Variants in VWA3B observed in about 807,000 individuals in gnomAD.
The protein encoded by VWA3B is von Willebrand factor A domain containing 3B.
In VWA3B, 138 loss-of-function variants were observed where a neutral mutation model predicts 158.3. The observed-to-expected ratio is 0.87, with a 90% CI of 0.76 to 1.00. The LOEUF (loss-of-function observed/expected upper bound fraction) is 1.00. Ranked by LOEUF, VWA3B falls within the 50% of genes least tolerant of loss-of-function variation. VWA3B has a pLI of 0.00. For synonymous variants in VWA3B, 596 were observed against 587.3 expected, an observed-to-expected ratio of 1.01 and a Z score of -0.21; for missense variants, 1,555 against 1,565.1, an observed-to-expected ratio of 0.99 and a Z score of 0.11.
chr2:98,221,407 A>G lies in VWA3B; in HGVS notation c.2019+3379A>G, dbSNP rs144038760. On this transcript the variant is annotated intron_variant, in intron 14 of 27. Coordinates refer to ENST00000477737, the MANE Select transcript of VWA3B (RefSeq NM_144992.5). Reference sequence around the variant, plus strand: ...GTCCTGCTCCAGTCATATACCATGGAAAAAACTGCATCCCCTCCCCTGGGA... The same window carrying G: ...GTCCTGCTCCAGTCATATACCATGGGAAAAACTGCATCCCCTCCCCTGGGA... Among the ~76,000 whole-genome samples the G allele has an allele frequency of 1.0e-3, 155 of 152,270 alleles. 2 individuals carry two copies. Among genetic ancestry groups the G allele is most frequent in the Non-Finnish European group, 1.4e-3 (95 of 68,014 alleles).
intron 1 of VWA3B, among the ~76,000 whole-genome samples, chr2:98,089,650 CTT>C (rs1007533576): frequency 7.1e-6 from 1 of 140,994 alleles, no homozygotes; most frequent in African/African-American, 2.6e-5. Flanking sequence ...CCTTTCCTTC[CTT>C]TTTTTTTTTC....
At chr2:98,262,794 T>G (rs1395516991) in intron 21 of VWA3B, among the ~76,000 whole-genome samples, 1 of 151,918 alleles carries the variant, frequency 6.6e-6, no homozygotes, top group Non-Finnish European at 1.5e-5. Context: ...CATATAAATT[T>G]TAGGATCTTT....
At chr2:98,206,148 A>G (rs757720410) in intron 12 of VWA3B, 1 of 152,462 alleles carries the variant, frequency 6.6e-6, no homozygotes, top group Non-Finnish European at 1.5e-5. Context: ...CCCAAACTCT[A>G]CCATGTTGAG....
At chr2:98,158,000 C>G (rs1451173574) in intron 7 of VWA3B, among the ~76,000 whole-genome samples, 1 of 152,144 alleles carries the variant, frequency 6.6e-6, no homozygotes, top group Non-Finnish European at 1.5e-5. Flanking sequence ...TGGCATGAAC[C>G]TAGAAGGAAA....
At chr2:98,230,003 C>G in intron 15 of VWA3B, 47 bp from the exon 16 acceptor site, 1 of 1,520,428 alleles carries the variant, frequency 6.6e-7, no homozygotes, top group Non-Finnish European at 8.8e-7. Context: ...TGGAAATTTT[C>G]TTTTCTCTCT....
At chr2:98,304,911 T>C (rs2106002316) in intron 26 of VWA3B, among the ~76,000 whole-genome samples, 1 of 152,186 alleles carries the variant, frequency 6.6e-6, no homozygotes, top group African/African-American at 2.4e-5. Context: ...TCACTGCCGG[T>C]CTCCATGCGT....
chr2:98,151,742 C>T (rs1041638403), intron 7 of VWA3B, among the ~76,000 whole-genome samples: 73 of 152,186 alleles, frequency 4.8e-4, no homozygotes, highest in Non-Finnish European at 8.8e-5. Context: ...AGCTATGTTT[C>T]CTCATTTATA....
chr2:98,093,345 C>A, intron 2 of VWA3B, 57 bp downstream of exon 2: 1 of 1,577,596 alleles, frequency 6.3e-7, no homozygotes. Flanking sequence ...GTGGAGGTGG[C>A]TGCATCAGCT....
At chr2:98,323,789 T>C in the VWA3B span, among the ~76,000 whole-genome samples, 1 of 152,184 alleles carries the variant, frequency 6.6e-6, no homozygotes, top group Non-Finnish European at 1.5e-5. Context: ...AAGAAAAGAA[T>C]TTAAGAACCT....
intron 12 of VWA3B, among the ~76,000 whole-genome samples, chr2:98,204,111 G>A (rs1170146135): frequency 1.3e-5 from 2 of 152,176 alleles, no homozygotes; most frequent in East Asian, 3.8e-4. Flanking sequence ...TGTCCATGGG[G>A]TTGGGAGTGG....
chr2:98,283,969 T>C (rs1284707016), intron 22 of VWA3B, among the ~76,000 whole-genome samples: 1 of 152,184 alleles, frequency 6.6e-6, no homozygotes, highest in African/African-American at 2.4e-5. Context: ...GAAAGAATGC[T>C]TAGGTTTCTC....
chr2:98,256,702 A>G (rs184978619), intron 21 of VWA3B, among the ~76,000 whole-genome samples: 1 of 152,288 alleles, frequency 6.6e-6, no homozygotes, highest in African/African-American at 2.4e-5. Context: ...TTGGGTATAT[A>G]CCTAGCAGTG....
At chr2:98,202,104 C>T (rs1682596538) in intron 12 of VWA3B, among the ~76,000 whole-genome samples, 1 of 152,066 alleles carries the variant, frequency 6.6e-6, no homozygotes, top group Admixed American at 6.5e-5. Context: ...TTTTCCTTAA[C>T]TGTTTGGTAG....
At chr2:98,290,895 G>A in intron 23 of VWA3B, 2 of 344,888 alleles carry the variant, frequency 5.8e-6, no homozygotes, top group South Asian at 3.9e-5. Context: ...TGCGTTGCAT[G>A]TATGTAATAT....
intron 1 of VWA3B, among the ~76,000 whole-genome samples, chr2:98,089,515 G>C (rs984935519): frequency 4.6e-5 from 7 of 151,146 alleles, no homozygotes; most frequent in African/African-American, 7.3e-5. Flanking sequence ...GCTAGTGGGG[G>C]TGGGGTGGGG....
At chr2:98,250,516 GC>G in intron 20 of VWA3B, 80 bp downstream of exon 20, 3 of 1,092,556 alleles carry the variant, frequency 2.7e-6, no homozygotes, top group Non-Finnish European at 2.6e-6. Flanking sequence ...TTTTAGCTTA[GC>G]TTTTTTTTTT....
chr2:98,317,693 G>T (rs906797643), downstream of VWA3B, among the ~76,000 whole-genome samples: 1 of 152,080 alleles, frequency 6.6e-6, no homozygotes, highest in Non-Finnish European at 1.5e-5. Context: ...TTTCTGGAAC[G>T]AACCATTCTA....
chr2:98,321,966 G>A, the VWA3B span, among the ~76,000 whole-genome samples: 2 of 152,172 alleles, frequency 1.3e-5, no homozygotes, highest in South Asian at 4.1e-4. Context: ...TTCCCATGCT[G>A]TTCTTGTGAT....
intron 7 of VWA3B, among the ~76,000 whole-genome samples, chr2:98,155,080 T>C (rs1210868230): frequency 6.6e-6 from 1 of 152,190 alleles, no homozygotes. Context: ...TTACAGATAG[T>C]GGAAGCCCAG....
Sources: gnomAD v4.1 joint callset for allele counts (sites outside exome capture counted in the v4.1 genomes callset) on GRCh38, gnomAD v4.1.1 for gene constraint, MANE v1.5 for transcripts, NCBI Gene and HGNC (gene_info 2026-07-23, HGNC 2026-07-21) for gene names.